EEIG2: variants seen among roughly 807,000 people sequenced by gnomAD.
EEIG2 encodes the protein family with sequence similarity 102 member B.
chr1:108,577,865 A>T, the EEIG2 span, among the ~76,000 whole-genome samples: 3 of 151,272 alleles, frequency 2.0e-5, no homozygotes, highest in Non-Finnish European at 4.4e-5. Flanking sequence ...TGGGGATGGC[A>T]TTGAATCAGT....
chr1:108,561,819 G>C, the EEIG2 span, among the ~76,000 whole-genome samples: 1 of 152,322 alleles, frequency 6.6e-6, no homozygotes, highest in African/African-American at 2.4e-5. Context: ...GCCGATTCGT[G>C]AAGGTCCTGT....
the EEIG2 span, among the ~76,000 whole-genome samples, chr1:108,617,970 G>A: frequency 5.9e-5 from 9 of 152,084 alleles, no homozygotes; most frequent in Admixed American, 1.3e-4. Flanking sequence ...TTTGAGCATG[G>A]GTTAAAGAGA....
chr1:108,609,661 G>A, the EEIG2 span, among the ~76,000 whole-genome samples: 2 of 152,182 alleles, frequency 1.3e-5, no homozygotes, highest in Non-Finnish European at 2.9e-5. Flanking sequence ...TGCGGAGGAG[G>A]AGGAAATGAA....
the EEIG2 span, chr1:108,631,134 T>C: frequency 1.0e-5 from 4 of 400,824 alleles, no homozygotes; most frequent in East Asian, 3.3e-4. Context: ...TTGACTCATC[T>C]GCTTATTAAA....
chr1:108,574,989 C>G, the EEIG2 span, among the ~76,000 whole-genome samples: 1 of 152,166 alleles, frequency 6.6e-6, no homozygotes, highest in African/African-American at 2.4e-5. Flanking sequence ...TGCAATCATT[C>G]TATCAACTAA....
chr1:108,603,293 A>T, the EEIG2 span, among the ~76,000 whole-genome samples: 4 of 152,226 alleles, frequency 2.6e-5, no homozygotes, highest in African/African-American at 9.6e-5. Context: ...CACTGAGTTG[A>T]GATTGCAGCA....
chr1:108,602,448 G>A, the EEIG2 span, among the ~76,000 whole-genome samples: 2 of 152,150 alleles, frequency 1.3e-5, no homozygotes, highest in African/African-American at 4.8e-5. Context: ...TTCCATTCAC[G>A]TGATTGTTTT....
chr1:108,623,458 G>A, the EEIG2 span, among the ~76,000 whole-genome samples: 7 of 151,316 alleles, frequency 4.6e-5, no homozygotes, highest in Non-Finnish European at 7.4e-5. Flanking sequence ...TTGCGCCACC[G>A]CACTCCAACC....
chr1:108,572,185 A>C, the EEIG2 span, among the ~76,000 whole-genome samples: 1 of 152,212 alleles, frequency 6.6e-6, no homozygotes, highest in African/African-American at 2.4e-5. Context: ...AAACTTGACT[A>C]TCTTGACTTC....
the EEIG2 span, among the ~76,000 whole-genome samples, chr1:108,562,757 A>G: frequency 6.6e-6 from 1 of 152,344 alleles, no homozygotes; most frequent in Admixed American, 6.5e-5. Flanking sequence ...AACTTGTCCA[A>G]GAAGGTCCAT....
the EEIG2 span, among the ~76,000 whole-genome samples, chr1:108,579,768 T>TGAGAGAGAGAGAGAGAGA: frequency 3.8e-3 from 54 of 14,324 alleles, no homozygotes; most frequent in Non-Finnish European, 7.2e-3. Context: ...TGTGTGTGTG[T>TGAGAGAGAGAGAGAGAGA]GTGTGAGAGA....
the EEIG2 span, among the ~76,000 whole-genome samples, chr1:108,599,745 A>G: frequency 1.1e-4 from 17 of 152,176 alleles, no homozygotes; most frequent in Non-Finnish European, 2.1e-4. Flanking sequence ...TGATCTCAGC[A>G]CTTTGGGAGG....
the EEIG2 span, chr1:108,635,179 TG>T: frequency 6.2e-7 from 1 of 1,613,908 alleles, no homozygotes; most frequent in Non-Finnish European, 8.5e-7. Flanking sequence ...CATTTCCTTG[TG>T]GATTTAAGAT....
the EEIG2 span, chr1:108,560,116 C>CGGCGGA: frequency 1.8e-4 from 31 of 174,586 alleles, no homozygotes; most frequent in Non-Finnish European, 2.5e-4. Flanking sequence ...GCGGCAGCGG[C>CGGCGGA]GGCGGAGGCG....
At chr1:108,579,865 A>G in the EEIG2 span, among the ~76,000 whole-genome samples, 1 of 151,018 alleles carries the variant, frequency 6.6e-6, no homozygotes, top group Non-Finnish European at 1.5e-5. Context: ...GCAGCCTTGA[A>G]CTCCTAGGCT....
chr1:108,628,512 T>C, the EEIG2 span: 7 of 1,614,042 alleles, frequency 4.3e-6, no homozygotes, highest in Non-Finnish European at 5.1e-6. Context: ...TGTGATGAAA[T>C]TGAGCAGAAA....
the EEIG2 span, among the ~76,000 whole-genome samples, chr1:108,570,024 G>A: frequency 7.2e-5 from 11 of 152,240 alleles, no homozygotes; most frequent in South Asian, 2.1e-3. Flanking sequence ...GTTGCTACCA[G>A]TCATTTCACA....
the EEIG2 span, among the ~76,000 whole-genome samples, chr1:108,610,660 G>T: frequency 6.6e-6 from 1 of 152,064 alleles, no homozygotes; most frequent in Non-Finnish European, 1.5e-5. Flanking sequence ...GCTGGGCGCG[G>T]TGGCTCACAC....
chr1:108,567,850 T>C, the EEIG2 span, among the ~76,000 whole-genome samples: 3 of 152,072 alleles, frequency 2.0e-5, no homozygotes, highest in Admixed American at 1.3e-4. Context: ...ATTTAAAAAT[T>C]AGCTGGGTTT....
Sources: gnomAD v4.1 joint callset for allele counts (sites outside exome capture counted in the v4.1 genomes callset) on GRCh38, gnomAD v4.1.1 for gene constraint, MANE v1.5 for transcripts, NCBI Gene and HGNC (gene_info 2026-07-23, HGNC 2026-07-21) for gene names.